FOXO1: variants seen among roughly 807,000 people sequenced by gnomAD.
The protein encoded by FOXO1 is forkhead box O1.
In FOXO1, 6 loss-of-function variants were observed where a neutral mutation model predicts 44.1. The observed-to-expected ratio is 0.14, with a 90% CI of 0.07 to 0.27. The LOEUF (loss-of-function observed/expected upper bound fraction) is 0.27. Among genes scored for constraint, FOXO1 ranks in the 10% least tolerant of loss-of-function variants. The probability of loss-of-function intolerance (pLI) is 1.00; values close to 1 mark genes in which losing one functional copy is unlikely to be tolerated. For synonymous variants in FOXO1, 380 were observed against 362.7 expected, an observed-to-expected ratio of 1.05 and a Z score of -0.54; for missense variants, 737 against 888.8, an observed-to-expected ratio of 0.83 and a Z score of 2.17.
chr13:40,617,881 G>A (rs1183701641), intron 1 of FOXO1, among the ~76,000 whole-genome samples: 9 of 152,118 alleles, frequency 5.9e-5, no homozygotes. Flanking sequence ...GAAATTCTCT[G>A]AAGACAAGGA....
intron 1 of FOXO1, among the ~76,000 whole-genome samples, chr13:40,630,852 G>A (rs1404004299): frequency 1.3e-5 from 2 of 152,144 alleles, no homozygotes; most frequent in Non-Finnish European, 2.9e-5. Flanking sequence ...TTGCCTTAAA[G>A]TATAATACCA....
chr13:40,584,975 A>G (rs1370109148), intron 1 of FOXO1, among the ~76,000 whole-genome samples: 1 of 152,252 alleles, frequency 6.6e-6, no homozygotes. Context: ...TAAGGTAACT[A>G]TGTTATTCCA....
chr13:40,590,057 GC>G (rs1180251509), intron 1 of FOXO1, among the ~76,000 whole-genome samples: 6 of 152,164 alleles, frequency 3.9e-5, no homozygotes, highest in Non-Finnish European at 7.3e-5. Context: ...CTCTCTCCCT[GC>G]TGCTGTGGCC....
intron 1 of FOXO1, among the ~76,000 whole-genome samples, chr13:40,570,063 A>T (rs1874422071): frequency 6.6e-6 from 1 of 152,162 alleles, no homozygotes; most frequent in African/African-American, 2.4e-5. Flanking sequence ...CTGTAATCAC[A>T]GCACTTTGGG....
rs1347829239 is a variant in FOXO1 at position 40,585,341 on chromosome 13, G to GCACACACA, written c.631-24482_631-24481insTGTGTGTG. Among the ~76,000 whole-genome samples, 15 of 94,690 alleles carry GCACACACA rather than the reference G, an allele frequency of 1.6e-4. No individual in the cohort carries two copies. The East Asian group carries it at 9.0e-3, about 57-fold the overall frequency. The allele number at this position is 94,690 out of a possible 152,430, so 62.1% of individuals were successfully genotyped here. ...GTATGTAAGTATTTCCTCTGCGCGCGCGCACACACACACACACACACACAC... is the reference window on the plus strand; with the variant it reads ...GTATGTAAGTATTTCCTCTGCGCGCGCACACACACGCACACACACACACACACACACAC... On this transcript the variant is annotated intron_variant, in intron 1 of 2. Transcript: ENST00000379561.
At chr13:40,564,988 T>C (rs1195750601) in intron 1 of FOXO1, among the ~76,000 whole-genome samples, 2 of 151,974 alleles carry the variant, frequency 1.3e-5, no homozygotes, top group Non-Finnish European at 2.9e-5. Flanking sequence ...AACCCCGACA[T>C]GGTGTACTTG....
chr13:40,622,342 T>C (rs1876641874), intron 1 of FOXO1, among the ~76,000 whole-genome samples: 1 of 152,206 alleles, frequency 6.6e-6, no homozygotes, highest in Non-Finnish European at 1.5e-5. Context: ...TTTATATAAA[T>C]ACAAAGTATG....
At chr13:40,599,287 C>A (rs1478426162) in intron 1 of FOXO1, among the ~76,000 whole-genome samples, 4 of 151,546 alleles carry the variant, frequency 2.6e-5, no homozygotes, top group Non-Finnish European at 4.4e-5. Flanking sequence ...ATCTACTATA[C>A]AATTCAGAAT....
intron 1 of FOXO1, among the ~76,000 whole-genome samples, chr13:40,579,290 G>A (rs1003191150): frequency 2.6e-5 from 4 of 152,198 alleles, no homozygotes; most frequent in Non-Finnish European, 5.9e-5. Flanking sequence ...GGGACTTGCT[G>A]CTAGAAGTAA....
intron 1 of FOXO1, among the ~76,000 whole-genome samples, chr13:40,593,426 C>T (rs946711805): frequency 6.6e-6 from 1 of 152,146 alleles, no homozygotes; most frequent in Admixed American, 6.5e-5. Flanking sequence ...CAGTTCACTT[C>T]CAGGGTTTCA....
At chr13:40,652,411 C>T (rs374177474) in intron 1 of FOXO1, among the ~76,000 whole-genome samples, 106 of 151,666 alleles carry the variant, frequency 7.0e-4, no homozygotes, top group African/African-American at 2.5e-3. Flanking sequence ...CTAATTTTTG[C>T]ATTTTTAGTA....
rs923273621 is a variant in FOXO1, at chr13:40,619,581, A to G, written c.630+46002T>C. 5 of 1,452,850 alleles carry G rather than the reference A, an allele frequency of 3.4e-6. No individual in the cohort carries two copies. The African/African-American group carries it at 5.6e-5, about 16-fold the overall frequency. The allele number at this position is 1,452,850 out of a possible 1,614,324, so 90.0% of individuals were successfully genotyped here. On this transcript the variant is annotated intron_variant, in intron 1 of 2. Transcript: ENST00000379561. ...ACATTCCACTTTCAGATAGTAACAG[A>G]GATCATATTACAAATAGGCAACAAA... is the stretch of plus-strand genomic sequence containing the variant.
intron 1 of FOXO1, among the ~76,000 whole-genome samples, chr13:40,584,772 C>A (rs948960276): frequency 6.6e-6 from 1 of 152,196 alleles, no homozygotes; most frequent in Admixed American, 6.5e-5. Context: ...CTGAAGGCAA[C>A]CGAATAAGCG....
At chr13:40,618,268 A>C (rs754985562) in intron 1 of FOXO1, among the ~76,000 whole-genome samples, 13 of 152,118 alleles carry the variant, frequency 8.5e-5, no homozygotes, top group Non-Finnish European at 1.3e-4. Context: ...GGGTTTCACC[A>C]TGTTGCCCAG....
intron 1 of FOXO1, among the ~76,000 whole-genome samples, chr13:40,615,634 C>G (rs776970670): frequency 6.6e-6 from 1 of 152,042 alleles, no homozygotes; most frequent in Non-Finnish European, 1.5e-5. Flanking sequence ...TGATTATCAA[C>G]AATGAGGTCA....
chr13:40,631,646 A>T (rs141456643), intron 1 of FOXO1, among the ~76,000 whole-genome samples: 1 of 152,218 alleles, frequency 6.6e-6, no homozygotes, highest in African/African-American at 2.4e-5. Context: ...CCTTGAAGAC[A>T]TTGTGCTAAG....
intron 1 of FOXO1, among the ~76,000 whole-genome samples, chr13:40,654,581 T>G (rs1317680305): frequency 6.6e-6 from 1 of 152,070 alleles, no homozygotes; most frequent in African/African-American, 2.4e-5. Context: ...AAAAAAGATT[T>G]TCTTTTTAGG....
Position 40,560,218 on chromosome 13 carries a change from T to C in FOXO1, c.1273A>G (p.Thr425Ala), listed in dbSNP as rs1482494169. ...NSPSPNYQKY[T>A]YGQSSMSPLP... ...GGGCTCATGCTGGATTGGCCATATG[T>C]ATATTTTTGGTAGTTTGGGCTGGGT... is the stretch of plus-strand genomic sequence containing the variant. Residue 425 changes from threonine (T) to alanine (A), a missense_variant, in exon 2 of 3, where the codon ACA becomes GCA. By Grantham distance (58) the Thr-to-Ala change is moderately conservative. Around this residue, in one of 7 missense-constraint regions of FOXO1, gnomAD observed 283 missense variants for 278.1 expected, o/e 1.02. Coordinates refer to ENST00000379561, the MANE Select transcript of FOXO1 (RefSeq NM_002015.4). The surrounding 1 kb of genome is among the most constrained non-coding windows in gnomAD (Gnocchi z 5.1). 1.9e-6 allele frequency: 3 copies of C among 1,614,164 alleles called. No individual in the cohort carries two copies. Among genetic ancestry groups the C allele is most frequent in the South Asian group, 1.1e-5 (1 of 91,084 alleles).
intron 1 of FOXO1, among the ~76,000 whole-genome samples, chr13:40,612,889 G>A (rs2137892616): frequency 6.6e-6 from 1 of 152,202 alleles, no homozygotes; most frequent in Middle Eastern, 3.4e-3. Context: ...ACTCACTGTG[G>A]GTCCTGGAAC....
Sources: allele counts gnomAD v4.1 joint callset (sites outside exome capture counted in the v4.1 genomes callset), GRCh38; gene constraint gnomAD v4.1.1; regional missense constraint gnomAD v4.1.1; non-coding constraint Gnocchi (gnomAD v3.1); transcripts MANE v1.5; gene names NCBI Gene and HGNC (gene_info 2026-07-23, HGNC 2026-07-21).